Variants in NAV2 observed in about 807,000 individuals in gnomAD.
The protein encoded by NAV2 is helicase, APC down-regulated 1.
Under a neutral mutation model 223.2 loss-of-function variants are expected in NAV2, and 54 were observed. The ratio of observed to expected loss-of-function variants is 0.24; its 90% CI spans 0.19 to 0.30. The LOEUF (loss-of-function observed/expected upper bound fraction) is 0.30, where lower values mean the gene tolerates loss of function less well. Among genes scored for constraint, NAV2 ranks in the 10% least tolerant of loss-of-function variants. NAV2 has a pLI of 1.00. For missense variants in NAV2, 2,806 were observed against 3,147.5 expected (o/e 0.89, Z 2.60); for synonymous variants, 1,279 against 1,239.3 (o/e 1.03, Z -0.67).
intron 1 of NAV2, among the ~76,000 whole-genome samples, chr11:19,822,963 G>A (rs901330695): frequency 2.6e-5 from 4 of 152,186 alleles, no homozygotes; most frequent in South Asian, 2.1e-4. Context: ...GCTCAAAGGC[G>A]TGTCACAAAA....
At chr11:19,554,735 G>A (rs1358614073) in intron 1 of NAV2, among the ~76,000 whole-genome samples, 2 of 152,140 alleles carry the variant, frequency 1.3e-5, no homozygotes, top group Non-Finnish European at 2.9e-5. Flanking sequence ...GGGAGGCCGA[G>A]GCGGGCAGAT....
At chr11:20,023,814 C>T (rs889867508) in intron 11 of NAV2, among the ~76,000 whole-genome samples, 18 of 151,768 alleles carry the variant, frequency 1.2e-4, no homozygotes, top group African/African-American at 4.4e-4. Context: ...TATAGAGCTG[C>T]CCAGGGAAGC....
chr11:19,546,634 G>A (rs2134595088), intron 1 of NAV2, among the ~76,000 whole-genome samples: 1 of 152,320 alleles, frequency 6.6e-6, no homozygotes, highest in Non-Finnish European at 1.5e-5. Flanking sequence ...GGCTTTTTGG[G>A]GGTGTTTTCT....
chr11:19,642,735 A>G (rs566296066), intron 1 of NAV2, among the ~76,000 whole-genome samples: 107 of 152,208 alleles, frequency 7.0e-4, no homozygotes, highest in Middle Eastern at 3.4e-3. Flanking sequence ...CTGGATTGCA[A>G]AGTGTATTAT....
chr11:19,792,028 G>T (rs2057557849), intron 1 of NAV2, among the ~76,000 whole-genome samples: 1 of 152,200 alleles, frequency 6.6e-6, no homozygotes, highest in Non-Finnish European at 1.5e-5. Context: ...ACTGTCCTGG[G>T]CATGGTGGGG....
intron 1 of NAV2, among the ~76,000 whole-genome samples, chr11:19,543,893 A>G (rs1261516797): frequency 6.6e-6 from 1 of 152,314 alleles, no homozygotes; most frequent in South Asian, 2.1e-4. Flanking sequence ...GTTTGAGCTG[A>G]GGATAATCCA....
At chr11:19,533,025 C>T (rs1234181825) in intron 1 of NAV2, among the ~76,000 whole-genome samples, 1 of 152,102 alleles carries the variant, frequency 6.6e-6, no homozygotes, top group Non-Finnish European at 1.5e-5. Context: ...AATGGGATTC[C>T]TTTGGTCAGG....
intron 26 of NAV2, among the ~76,000 whole-genome samples, chr11:20,085,195 T>TA (rs5790106): frequency 0.47 from 67,554 of 144,040 alleles, 15,914 homozygotes; most frequent in South Asian, 0.69. Flanking sequence ...TGTCTCTATT[T>TA]AAAAAAAAAA....
At chr11:20,057,918 C>A (rs1286202246) in intron 19 of NAV2, among the ~76,000 whole-genome samples, 1 of 152,098 alleles carries the variant, frequency 6.6e-6, no homozygotes, top group Non-Finnish European at 1.5e-5. Context: ...CTTTTGTAAA[C>A]CTAATGATTC....
At chr11:19,637,700 A>T (rs961644241) in intron 1 of NAV2, among the ~76,000 whole-genome samples, 6 of 152,196 alleles carry the variant, frequency 3.9e-5, no homozygotes, top group Admixed American at 3.3e-4. Context: ...TCACACACTT[A>T]AACGACCAGA....
chr11:19,447,083 A>G (rs1851613976), intron 1 of NAV2, among the ~76,000 whole-genome samples: 1 of 152,108 alleles, frequency 6.6e-6, no homozygotes, highest in Non-Finnish European at 1.5e-5. Flanking sequence ...ATTTTGCCCC[A>G]CTCACAACTT....
intron 1 of NAV2, among the ~76,000 whole-genome samples, chr11:19,646,691 A>G (rs144753651): frequency 5.8e-4 from 88 of 152,288 alleles, no homozygotes; most frequent in African/African-American, 2.0e-3. Context: ...CAATTTTCAA[A>G]TAGCATCTAT....
chr11:19,583,209 A>G (rs867866226), intron 1 of NAV2, among the ~76,000 whole-genome samples: 1 of 152,096 alleles, frequency 6.6e-6, no homozygotes, highest in Non-Finnish European at 1.5e-5. Flanking sequence ...AATGCTTGTG[A>G]TTTTTGCACA....
intron 10 of NAV2, among the ~76,000 whole-genome samples, chr11:19,975,072 C>CTCT (rs1351167042): frequency 2.0e-5 from 3 of 152,176 alleles, no homozygotes; most frequent in Non-Finnish European, 2.9e-5. Flanking sequence ...GGGGCTTTGT[C>CTCT]TAGAGAACTG....
chr11:19,378,413 A>T (rs567388053), intron 1 of NAV2, among the ~76,000 whole-genome samples: 2 of 151,820 alleles, frequency 1.3e-5, no homozygotes, highest in African/African-American at 4.8e-5. Context: ...CATCCTCCTG[A>T]TGAGAGACAC....
At chr11:19,947,753 A>G (rs1217572076) in intron 9 of NAV2, among the ~76,000 whole-genome samples, 1 of 152,240 alleles carries the variant, frequency 6.6e-6, no homozygotes, top group African/African-American at 2.4e-5. Context: ...ATTCTAGTCC[A>G]TGTAACTTGA....
intron 1 of NAV2, among the ~76,000 whole-genome samples, chr11:19,450,880 A>AG (rs1441229382): frequency 4.6e-5 from 7 of 152,016 alleles, no homozygotes; most frequent in African/African-American, 1.7e-4. Context: ...CATTGAAGCC[A>AG]CCTGTGCATT....
chr11:19,517,615 A>C (rs2043499178), intron 1 of NAV2, among the ~76,000 whole-genome samples: 1 of 152,220 alleles, frequency 6.6e-6, no homozygotes, highest in African/African-American at 2.4e-5. Context: ...TTTCAGGATA[A>C]GCCCCCAGAA....
intron 12 of NAV2, among the ~76,000 whole-genome samples, chr11:20,041,661 T>C (rs2056927233): frequency 6.6e-6 from 1 of 152,240 alleles, no homozygotes; most frequent in South Asian, 2.1e-4. Context: ...TACTTGTTCA[T>C]TGCAGTATTC....
Sources: gnomAD v4.1 joint callset for allele counts (sites outside exome capture counted in the v4.1 genomes callset) on GRCh38, gnomAD v4.1.1 for gene constraint, MANE v1.5 for transcripts, NCBI Gene and HGNC (gene_info 2026-07-23, HGNC 2026-07-21) for gene names.